Variants in CGGBP1 observed in about 807,000 individuals in gnomAD.
CGGBP1 encodes CGG triplet repeat-binding protein 1.
In CGGBP1, 4 loss-of-function variants were observed where a neutral mutation model predicts 11.4. The observed-to-expected ratio is 0.35, with a 90% CI of 0.17 to 0.80. The LOEUF is 0.80. CGGBP1 is among the 30% of genes least tolerant of loss of function. The pLI is 0.52. For synonymous variants in CGGBP1, 76 were observed against 74.1 expected (o/e 1.03, Z -0.13); for missense variants, 135 against 202.1 (o/e 0.67, Z 2.01).
At chr3:88,059,388 C>A (rs1706702390), upstream of CGGBP1, 1 of 1,535,374 alleles carries the variant, frequency 6.5e-7, no homozygotes, top group African/African-American at 1.4e-5. Flanking sequence ...TTGTGGAGTC[C>A]CCGCTGGGCC....
Position 88,088,174 on chromosome 3 carries a change from A to T in CGGBP1, c.-228-29951T>A, listed in dbSNP as rs75305065. 5.8e-3 allele frequency among the ~76,000 whole-genome samples: 883 copies of T among 152,320 alleles called. 25 individuals are homozygous for T. In the East Asian group the frequency reaches 0.085, roughly 15 times the overall value. On this transcript the variant is annotated intron_variant, in intron 2 of 3. Coordinates refer to the CGGBP1 transcript ENST00000462901. The stretch of plus-strand genomic sequence containing the variant: ...TTACAGATTTCTCAGTGAGACTACT[A>T]GCTAATTACTTAATTACGCTAAAGA...
intron 2 of CGGBP1, among the ~76,000 whole-genome samples, chr3:88,106,988 C>T (rs1362808937): frequency 6.6e-6 from 1 of 152,130 alleles, no homozygotes; most frequent in Non-Finnish European, 1.5e-5. Context: ...CGTGTGCCAA[C>T]ACAATGTTGA....
intron 2 of CGGBP1, chr3:88,138,839 C>G: frequency 1.6e-6 from 2 of 1,231,906 alleles, no homozygotes; most frequent in Non-Finnish European, 2.0e-6. Context: ...ATTTGGAGAT[C>G]CTCAGGATTT....
At chr3:88,147,636 T>C (rs1382103541) in intron 1 of CGGBP1, among the ~76,000 whole-genome samples, 3 of 152,244 alleles carry the variant, frequency 2.0e-5, no homozygotes, top group Non-Finnish European at 4.4e-5. Flanking sequence ...TTCAGTTCCT[T>C]AGTTGCACTA....
intron 2 of CGGBP1, among the ~76,000 whole-genome samples, chr3:88,088,749 T>G (rs567812959): frequency 2.9e-5 from 2 of 69,972 alleles, no homozygotes; most frequent in East Asian, 4.7e-4. Flanking sequence ...TTTATTTATG[T>G]ATGTATGTAT....
intron 2 of CGGBP1, among the ~76,000 whole-genome samples, chr3:88,135,947 A>G (rs1370902366): frequency 6.6e-6 from 1 of 152,122 alleles, no homozygotes; most frequent in African/African-American, 2.4e-5. Flanking sequence ...TTATGTATTT[A>G]TGCATTTATT....
chr3:88,127,602 GAC>G (rs1164850670), intron 2 of CGGBP1, among the ~76,000 whole-genome samples: 1 of 152,098 alleles, frequency 6.6e-6, no homozygotes, highest in Non-Finnish European at 1.5e-5. Context: ...GCTAGACAAA[GAC>G]AGAGTTTCAA....
At chr3:88,095,034 A>G (rs1218371531) in intron 2 of CGGBP1, among the ~76,000 whole-genome samples, 1 of 152,182 alleles carries the variant, frequency 6.6e-6, no homozygotes, top group African/African-American at 2.4e-5. Context: ...AGCAATGAAC[A>G]GAATTATAGA....
upstream of CGGBP1, among the ~76,000 whole-genome samples, chr3:88,063,697 G>A (rs1486139197): frequency 2.0e-5 from 3 of 152,102 alleles, no homozygotes; most frequent in African/African-American, 7.2e-5. Context: ...GCATTTTGGT[G>A]CTAATGGAGA....
chr3:88,106,538 TC>T (rs1429716064), intron 2 of CGGBP1, among the ~76,000 whole-genome samples: 1 of 152,144 alleles, frequency 6.6e-6, no homozygotes, highest in Non-Finnish European at 1.5e-5. Flanking sequence ...AAGGTTTCGT[TC>T]GCCATGTTGG....
In CGGBP1 at chr3:88,086,151, A is replaced by G. The variant is rs1708326172; in HGVS notation, c.-228-27928T>C. On this transcript the variant is annotated intron_variant, in intron 2 of 3. Transcript: ENST00000462901. ...TCCCTCCCTCCAGTCACCTGTGTTC[A>G]TGCCGATCTAATATTTTAATTTATC... 3.0e-6 allele frequency: 3 copies of G among 1,005,106 alleles called. No homozygotes were observed. The Admixed American group carries it at 7.6e-5, about 26-fold the overall frequency. The allele number at this position is 1,005,106 out of a possible 1,614,324, so 62.3% of individuals were successfully genotyped here.
intron 2 of CGGBP1, chr3:88,129,115 A>G (rs1340078896): frequency 9.0e-6 from 7 of 781,246 alleles, no homozygotes; most frequent in Non-Finnish European, 1.4e-5. Context: ...TTTTACAGTA[A>G]TGCCAAAGAT....
intron 2 of CGGBP1, among the ~76,000 whole-genome samples, chr3:88,076,688 C>T (rs959291412): frequency 6.6e-6 from 1 of 152,068 alleles, no homozygotes; most frequent in African/African-American, 2.4e-5. Context: ...ACTTCTTGTG[C>T]GTATATTTTG....
upstream of CGGBP1, chr3:88,059,413 G>T (rs1191183715): frequency 2.0e-6 from 3 of 1,531,156 alleles, no homozygotes; most frequent in African/African-American, 4.1e-5. Context: ...GGGGCTTAGA[G>T]CTGCGGGCGA....
upstream of CGGBP1, chr3:88,059,331 A>C (rs549133632): frequency 3.8e-4 from 584 of 1,534,092 alleles, 6 homozygotes; most frequent in South Asian, 4.3e-3. Flanking sequence ...TGGCGGAGGA[A>C]GAGAGCGACC....
In CGGBP1 at chr3:88,079,651, G is replaced by A. The variant is rs73844857; in HGVS notation, c.-228-21428C>T. On this transcript the variant is annotated intron_variant, in intron 2 of 3. Transcript: ENST00000462901. Reference sequence around the variant, plus strand: ...GTAATGGGTATTTTTGCTCTGGTTGGTAGGTTGGACTAGATAATCTTCAAG... The same window carrying A: ...GTAATGGGTATTTTTGCTCTGGTTGATAGGTTGGACTAGATAATCTTCAAG... Among the ~76,000 whole-genome samples the A allele has an allele frequency of 3.0e-3, 463 of 152,066 alleles. 3 individuals are homozygous for A. Among genetic ancestry groups the A allele is most frequent in the African/African-American group, 0.011 (445 of 41,518 alleles).
At chr3:88,112,551 G>A (rs1375231439) in intron 2 of CGGBP1, among the ~76,000 whole-genome samples, 1 of 151,904 alleles carries the variant, frequency 6.6e-6, no homozygotes, top group Non-Finnish European at 1.5e-5. Context: ...GAGCCATCCT[G>A]TTATGAGTGG....
intron 2 of CGGBP1, among the ~76,000 whole-genome samples, chr3:88,134,639 TTAA>T (rs1474158142): frequency 1.3e-5 from 2 of 152,160 alleles, no homozygotes; most frequent in Non-Finnish European, 2.9e-5. Flanking sequence ...TTTTGATATC[TTAA>T]TAAATTGAAA....
At chr3:88,103,080 TGGTTTTC>T (rs1320119780) in intron 2 of CGGBP1, among the ~76,000 whole-genome samples, 1 of 152,162 alleles carries the variant, frequency 6.6e-6, no homozygotes, top group Non-Finnish European at 1.5e-5. Flanking sequence ...ATGTGTTATT[TGGTTTTC>T]TGTTCATGCG....
Sources: allele counts gnomAD v4.1 joint callset (sites outside exome capture counted in the v4.1 genomes callset), GRCh38; gene constraint gnomAD v4.1.1; transcripts MANE v1.5; gene names NCBI Gene and HGNC (gene_info 2026-07-23, HGNC 2026-07-21).